PPP4R4: variants seen among roughly 807,000 people sequenced by gnomAD.
PPP4R4 encodes protein phosphatase 4 regulatory subunit 4.
A neutral mutation model predicts 121.8 loss-of-function variants in PPP4R4; 70 were observed. The observed-to-expected ratio is 0.57, with a 90% CI of 0.47 to 0.70. The LOEUF is 0.70. PPP4R4 is among the 30% of genes least tolerant of loss of function. PPP4R4 has a pLI of 0.00. For missense variants in PPP4R4, 875 were observed against 1,033.6 expected, an observed-to-expected ratio of 0.85 and a Z score of 2.10; for synonymous variants, 348 against 355.7, an observed-to-expected ratio of 0.98 and a Z score of 0.24.
chr14:94,195,625 A>G (rs958025764), intron 2 of PPP4R4, among the ~76,000 whole-genome samples: 19 of 152,114 alleles, frequency 1.2e-4, no homozygotes, highest in Non-Finnish European at 2.2e-4. Flanking sequence ...GTTTAGTGTC[A>G]TCTCTGGCTT....
In PPP4R4 at chr14:94,250,237, A is replaced by G; in HGVS notation, c.1677A>G (p.Lys559=). 6.2e-7 allele frequency: 1 copy of G among 1,611,802 alleles called. No homozygotes were observed. Among genetic ancestry groups the G allele is most frequent in the Non-Finnish European group, 8.5e-7 (1 of 1,178,322 alleles). Residue 559 remains lysine (K), a synonymous_variant, in exon 15 of 25, where the codon AAA becomes AAG. Coordinates refer to ENST00000304338, the MANE Select transcript of PPP4R4 (RefSeq NM_058237.2). The part of the protein sequence containing the change: ...TLCIFLRYNR[K]QEQRHEVIQK... ...GCATTTTTCTGCGTTATAATCGTAAACAAGAACAGAGACATGAGGTCATTC... is the reference window on the plus strand; with the variant it reads ...GCATTTTTCTGCGTTATAATCGTAAGCAAGAACAGAGACATGAGGTCATTC...
At chr14:94,222,677 G>T (rs1323892700) in intron 3 of PPP4R4, among the ~76,000 whole-genome samples, 1 of 150,898 alleles carries the variant, frequency 6.6e-6, no homozygotes, top group African/African-American at 2.4e-5. Flanking sequence ...TCTTCCACAT[G>T]CATTTTAAAT....
chr14:94,221,239 T>C (rs1325217517), intron 3 of PPP4R4, among the ~76,000 whole-genome samples: 1 of 152,082 alleles, frequency 6.6e-6, no homozygotes, highest in Admixed American at 6.5e-5. Flanking sequence ...TAGACCTAAA[T>C]GTTAAAGACT....
intron 2 of PPP4R4, among the ~76,000 whole-genome samples, chr14:94,186,655 C>T (rs1466581671): frequency 6.6e-6 from 1 of 152,110 alleles, no homozygotes; most frequent in Non-Finnish European, 1.5e-5. Flanking sequence ...ATGTTTATAC[C>T]TTTAAGAAAC....
chr14:94,175,980 G>C, intron 1 of PPP4R4, 74 bp from the exon 2 acceptor site: 1 of 1,117,744 alleles, frequency 8.9e-7, no homozygotes, highest in Non-Finnish European at 1.4e-6. Context: ...TCCTCATAGA[G>C]GGTCACTGGG....
In PPP4R4 at chr14:94,237,671, G is replaced by A. The variant is rs866700235; in HGVS notation, c.838G>A (p.Asp280Asn). The A allele has an allele frequency of 6.2e-7, 1 of 1,611,884 alleles. No homozygotes were observed. Among genetic ancestry groups the A allele is most frequent in the Non-Finnish European group, 8.5e-7 (1 of 1,178,112 alleles). Residue 280 changes from aspartate (D) to asparagine (N), a missense_variant, in exon 8 of 25, where the codon GAT (aspartate) becomes AAT (asparagine). Transcript: ENST00000304338. ...AAFETLVNLL[D>N]IFDTDDRSQT... ...TTTTGAAACTTTGGTTAATCTGCTT[G>A]ATATATTTGATACAGGTAAATCATG...
chr14:94,230,842 A>T (rs1161428427), intron 4 of PPP4R4, 108 bp downstream of exon 4: 7 of 1,286,078 alleles, frequency 5.4e-6, no homozygotes, highest in Non-Finnish European at 7.4e-6. Flanking sequence ...GAGTAAGGCC[A>T]TGCTGCCTAG....
chr14:94,218,927 A>G (rs867666638), intron 3 of PPP4R4, among the ~76,000 whole-genome samples: 8 of 152,148 alleles, frequency 5.3e-5, no homozygotes, highest in Middle Eastern at 3.2e-3. Flanking sequence ...CAAAAATTAA[A>G]AAGTCAACTG....
In PPP4R4 at chr14:94,233,717, G is replaced by A; in HGVS notation, c.581G>A (p.Cys194Tyr). ...ACAGTCCAGTCTCGTTTAGTTAGTTGTAAAATTTTAGGAAAATTGACCAAC... is the reference window on the plus strand; with the variant it reads ...ACAGTCCAGTCTCGTTTAGTTAGTTATAAAATTTTAGGAAAATTGACCAAC... ...SQTVQSRLVS[C>Y]KILGKLTNKF... Residue 194 changes from cysteine (C) to tyrosine (Y), a missense_variant, in exon 6 of 25, where the codon TGT becomes TAT. Physicochemically the swap from Cys to Tyr is radical, Grantham distance 194. Coordinates refer to ENST00000304338, the MANE Select transcript of PPP4R4 (RefSeq NM_058237.2). 1 of 1,604,620 alleles carries A rather than the reference G, an allele frequency of 6.2e-7. No homozygotes were observed. Among genetic ancestry groups the A allele is most frequent in the South Asian group, 1.1e-5 (1 of 90,134 alleles).
intron 10 of PPP4R4, 62 bp from the exon 11 acceptor site, chr14:94,242,227 T>C: frequency 6.6e-7 from 1 of 1,522,592 alleles, no homozygotes; most frequent in South Asian, 1.2e-5. Flanking sequence ...GATTATAATA[T>C]TAGGTATTGA....
At chr14:94,236,964 G>GAC (rs1003150791) in intron 7 of PPP4R4, among the ~76,000 whole-genome samples, 2 of 152,088 alleles carry the variant, frequency 1.3e-5, no homozygotes, top group African/African-American at 4.8e-5. Flanking sequence ...TCATTACAGT[G>GAC]ACACCTTATC....
chr14:94,276,200 C>T (rs1189659677), intron 24 of PPP4R4, among the ~76,000 whole-genome samples: 1 of 152,220 alleles, frequency 6.6e-6, no homozygotes, highest in Non-Finnish European at 1.5e-5. Flanking sequence ...TCATATAGGA[C>T]ACCTGAACCT....
At chr14:94,240,498 T>C (rs1892570230) in intron 8 of PPP4R4, among the ~76,000 whole-genome samples, 175 bp from the exon 9 acceptor site, 1 of 152,130 alleles carries the variant, frequency 6.6e-6, no homozygotes, top group African/African-American at 2.4e-5. Flanking sequence ...ATTTCAAGCC[T>C]CCTCTTACCC....
intron 3 of PPP4R4, chr14:94,227,985 G>T (rs941619887): frequency 3.3e-6 from 2 of 612,584 alleles, no homozygotes; most frequent in Non-Finnish European, 4.1e-6. Flanking sequence ...GAGACCACTT[G>T]CTGCTTCTGC....
At chr14:94,179,796 A>C (rs1888877360) in intron 2 of PPP4R4, among the ~76,000 whole-genome samples, 1 of 152,146 alleles carries the variant, frequency 6.6e-6, no homozygotes, top group African/African-American at 2.4e-5. Flanking sequence ...TGTTTTCTTC[A>C]GTAGATTGTA....
At chr14:94,255,171 C>T (rs1461848489) in intron 16 of PPP4R4, among the ~76,000 whole-genome samples, 1 of 152,190 alleles carries the variant, frequency 6.6e-6, no homozygotes, top group Non-Finnish European at 1.5e-5. Flanking sequence ...TTCTTATCTG[C>T]TTTTGCTCCT....
intron 2 of PPP4R4, among the ~76,000 whole-genome samples, chr14:94,182,092 A>G (rs1889024587): frequency 3.9e-5 from 6 of 151,986 alleles, no homozygotes. Context: ...GATACATACC[A>G]TCTCCTTTCC....
rs193176540 is a variant in PPP4R4 at position 94,229,353 on chromosome 14, A to T, written c.295-1234A>T. Among the ~76,000 whole-genome samples, 12 of 152,190 alleles carry T rather than the reference A, an allele frequency of 7.9e-5. No homozygotes were observed. In the East Asian group the frequency reaches 2.3e-3, roughly 29 times the overall value. ...TTTGACTGTGGGGAGTGAGGGAATG[A>T]GAGGAGTTAAGGATGACCCCACAGT... On this transcript the variant is annotated intron_variant, in intron 3 of 24. Transcript: ENST00000304338.
Position 94,203,075 on chromosome 14 carries a change from G to C in PPP4R4, c.192-5389G>C, listed in dbSNP as rs72702375. Among the ~76,000 whole-genome samples, 970 of 152,170 alleles carry C rather than the reference G, an allele frequency of 6.4e-3. 6 individuals are homozygous for C. Among genetic ancestry groups the C allele is most frequent in the Middle Eastern group, 0.044 (13 of 294 alleles). ...GAAATACCCATGTTCTCTTTATCCA[G>C]TTTTCCCCTATAGTAACATCTTGAC... On this transcript the variant is annotated intron_variant, in intron 2 of 24. Transcript: ENST00000304338.
Sources: gnomAD v4.1 joint callset for allele counts (sites outside exome capture counted in the v4.1 genomes callset) on GRCh38, gnomAD v4.1.1 for gene constraint, MANE v1.5 for transcripts, NCBI Gene and HGNC (gene_info 2026-07-23, HGNC 2026-07-21) for gene names.